ANKLE2: variants seen among roughly 807,000 people sequenced by gnomAD.
ANKLE2 encodes ankyrin repeat and LEM domain-containing protein 2.
Under a neutral mutation model 84.2 loss-of-function variants are expected in ANKLE2, and 55 were observed. The observed-to-expected ratio is 0.65, with a 90% CI of 0.53 to 0.82. ANKLE2 has a LOEUF of 0.82. Ranked by LOEUF, ANKLE2 falls within the 40% of genes least tolerant of loss-of-function variation. The probability of loss-of-function intolerance (pLI) is 0.00; values close to 1 mark genes in which losing one functional copy is unlikely to be tolerated. For missense variants in ANKLE2, 1,238 were observed against 1,201.9 expected, an observed-to-expected ratio of 1.03 and a Z score of -0.44; for synonymous variants, 551 against 486.1, an observed-to-expected ratio of 1.13 and a Z score of -1.76.
chr12:132,727,499 G>A, intron 12 of ANKLE2, 56 bp from the exon 13 acceptor site: 1 of 1,541,016 alleles, frequency 6.5e-7, no homozygotes, highest in Admixed American at 2.0e-5. Context: ...GAGATGAACA[G>A]CAAAAGTCGG....
In ANKLE2 at chr12:132,745,734, C is replaced by T. The variant is rs564395560; in HGVS notation, c.1230+2098G>A. Reference sequence around the variant, plus strand: ...CAGCAGGGAGGGGCGACGAGCCCGTCGGATCCCGCACCTCTCTAAGCCTGT... The same window carrying T: ...CAGCAGGGAGGGGCGACGAGCCCGTTGGATCCCGCACCTCTCTAAGCCTGT... On this transcript the variant is annotated intron_variant, in intron 5 of 12. Transcript: ENST00000357997. 316 of 186,792 alleles carry T rather than the reference C, an allele frequency of 1.7e-3. 2 individuals are homozygous for T. The highest frequency in any genetic ancestry group is 7.1e-3 in the African/African-American group (302 of 42,782). The allele number at this position is 186,792 out of a possible 1,614,324, so 11.6% of individuals were successfully genotyped here.
chr12:132,736,971 G>C lies in ANKLE2; in HGVS notation c.1515C>G (p.His505Gln). ...WSPDQTAEASHVSRYGGSPRD... is the reference protein window; with the variant it reads ...WSPDQTAEASQVSRYGGSPRD... ...TGGGGCTGCCTCCATAGCGGCTGAC[G>C]TGAGAGGCCTCAGCCGTCTGGTCTG... Residue 505 changes from histidine (H) to glutamine (Q), a missense_variant, in exon 8 of 13, where the codon CAC (histidine) becomes CAG (glutamine). Coordinates refer to ENST00000357997, the MANE Select transcript of ANKLE2 (RefSeq NM_015114.3). 1 of 1,613,894 alleles carries C rather than the reference G, an allele frequency of 6.2e-7. No homozygotes were observed. Among genetic ancestry groups the C allele is most frequent in the Non-Finnish European group, 8.5e-7 (1 of 1,179,918 alleles).
At chr12:132,745,920 T>C (rs1386423472) in intron 5 of ANKLE2, among the ~76,000 whole-genome samples, 1 of 152,210 alleles carries the variant, frequency 6.6e-6, no homozygotes, top group East Asian at 1.9e-4. Flanking sequence ...CACATGAATT[T>C]CAACAGTTGT....
intron 10 of ANKLE2, among the ~76,000 whole-genome samples, chr12:132,733,156 T>C (rs1249074730): frequency 3.9e-5 from 5 of 127,348 alleles, no homozygotes; most frequent in Non-Finnish European, 4.9e-5. Context: ...TGGTGTCTGA[T>C]ATGCACCGTG....
Position 132,727,410 on chromosome 12 carries a change from C to T in ANKLE2, c.2649G>A (p.Lys883=). 2 of 1,560,616 alleles carry T rather than the reference C, an allele frequency of 1.3e-6. No individual in the cohort carries two copies. Among genetic ancestry groups the T allele is most frequent in the Non-Finnish European group, 1.7e-6 (2 of 1,152,222 alleles). The stretch of plus-strand genomic sequence containing the variant: ...GGCCACTGAGATCTGGCAGCTGAGA[C>T]TTGAACCTTCCTTTCACCGCGGGAC... ...WPSPAVKGRF[K]SQLPDLSGPH... The change falls in exon 13 of 13, where the codon AAG becomes AAA. Residue 883 remains lysine (K), a synonymous_variant. Coordinates refer to ENST00000357997, the MANE Select transcript of ANKLE2 (RefSeq NM_015114.3).
At chr12:132,735,836 G>GT (rs2043998494) in intron 8 of ANKLE2, among the ~76,000 whole-genome samples, 1 of 152,236 alleles carries the variant, frequency 6.6e-6, no homozygotes, top group African/African-American at 2.4e-5. Context: ...CGACGCACAT[G>GT]TGACACTGCT....
chr12:132,739,242 C>A (rs1471794880), intron 7 of ANKLE2, among the ~76,000 whole-genome samples: 2 of 152,114 alleles, frequency 1.3e-5, no homozygotes, highest in Non-Finnish European at 2.9e-5. Flanking sequence ...GCACACTTAC[C>A]CCTGAACCTA....
chr12:132,758,680 C>T (rs79158173), intron 1 of ANKLE2: 8,823 of 152,212 alleles, frequency 0.058, 339 homozygotes, highest in East Asian at 0.13. Flanking sequence ...CCTGCCACCA[C>T]GCCCCGCTAT....
At chr12:132,752,559 C>T (rs1046863441) in intron 2 of ANKLE2, among the ~76,000 whole-genome samples, 13 of 152,126 alleles carry the variant, frequency 8.5e-5, no homozygotes, top group South Asian at 2.1e-4. Flanking sequence ...TTAGTAAAGA[C>T]GGGGCTTCAC....
intron 11 of ANKLE2, among the ~76,000 whole-genome samples, chr12:132,729,326 A>G (rs543878463): frequency 8.2e-4 from 79 of 96,776 alleles, no homozygotes; most frequent in Non-Finnish European, 1.4e-3. Context: ...ACTCCAGCCT[A>G]GGCGACAGAG....
chr12:132,744,051 G>T (rs986229220), intron 5 of ANKLE2, among the ~76,000 whole-genome samples: 1 of 152,150 alleles, frequency 6.6e-6, no homozygotes, highest in Non-Finnish European at 1.5e-5. Flanking sequence ...CGTCCATGAC[G>T]CTGCGTCACG....
intron 12 of ANKLE2, 27 bp from the exon 13 acceptor site, chr12:132,727,470 G>C: frequency 6.5e-7 from 1 of 1,549,532 alleles, no homozygotes; most frequent in Non-Finnish European, 8.7e-7. Flanking sequence ...AGAACTGTTA[G>C]CAGACGGGCA....
At chr12:132,741,199 G>A (rs2044115337) in intron 7 of ANKLE2, among the ~76,000 whole-genome samples, 1 of 152,214 alleles carries the variant, frequency 6.6e-6, no homozygotes, top group Non-Finnish European at 1.5e-5. Flanking sequence ...GAAAGCTCAA[G>A]GAACAGATAC....
intron 7 of ANKLE2, among the ~76,000 whole-genome samples, chr12:132,740,207 G>A (rs2044092999): frequency 1.3e-5 from 2 of 152,230 alleles, no homozygotes; most frequent in African/African-American, 2.4e-5. Context: ...GCCCTGAGGA[G>A]GAACTCTCGC....
rs539094769 is a variant in ANKLE2 at position 132,754,663 on chromosome 12, C to T, written c.640+12G>A. ...TATCTGTGTGAGGAAATCCTACACA[C>T]GGTCCCATTACCATTTCTCGCTGGG... On this transcript the variant is annotated intron_variant, in intron 2 of 12. Transcript: ENST00000357997. 15 of 1,585,498 alleles carry T rather than the reference C, an allele frequency of 9.5e-6. No homozygotes were observed. The highest frequency in any genetic ancestry group is 1.8e-4 in the Middle Eastern group (1 of 5,568).
At chr12:132,752,621 G>A (rs957717631) in intron 2 of ANKLE2, among the ~76,000 whole-genome samples, 2 of 151,918 alleles carry the variant, frequency 1.3e-5, no homozygotes, top group African/African-American at 2.4e-5. Context: ...TGCCTGCCTC[G>A]GCCTCCCAAA....
chr12:132,747,760 T>C (rs2044269095), intron 5 of ANKLE2, 72 bp downstream of exon 5: 7 of 1,545,706 alleles, frequency 4.5e-6, no homozygotes, highest in Admixed American at 4.6e-5. Flanking sequence ...AACTTGTCGA[T>C]AAAGCATTCT....
At chr12:132,758,449 C>G (rs1409621201) in intron 1 of ANKLE2, 2 of 152,038 alleles carry the variant, frequency 1.3e-5, no homozygotes, top group Non-Finnish European at 2.9e-5. Flanking sequence ...AGTATGATCA[C>G]AAGGTCTTTG....
At chr12:132,753,841 G>A (rs1158821297) in intron 2 of ANKLE2, among the ~76,000 whole-genome samples, 1 of 152,172 alleles carries the variant, frequency 6.6e-6, no homozygotes, top group Non-Finnish European at 1.5e-5. Flanking sequence ...TGAGGTGGGA[G>A]GATCACCTGA....
Sources: allele counts gnomAD v4.1 joint callset (sites outside exome capture counted in the v4.1 genomes callset), GRCh38; gene constraint gnomAD v4.1.1; transcripts MANE v1.5; gene names NCBI Gene and HGNC (gene_info 2026-07-23, HGNC 2026-07-21).